The following SNX24 variants were observed in gnomAD, a reference collection of about 807,000 sequenced individuals.
The protein encoded by SNX24 is sorting nexin 24, also known as sorting nexin-24.
In SNX24, 22 loss-of-function variants were observed where a neutral mutation model predicts 28.7. The ratio of observed to expected loss-of-function variants is 0.77; its 90% confidence interval spans 0.55 to 1.10. The LOEUF (loss-of-function observed/expected upper bound fraction) is 1.10, where lower values mean the gene tolerates loss of function less well. SNX24 is among the 50% of genes least tolerant of loss of function. The probability of loss-of-function intolerance (pLI) is 0.00; values close to 1 mark genes in which losing one functional copy is unlikely to be tolerated. For missense variants in SNX24, 221 were observed against 201.1 expected, an observed-to-expected ratio of 1.10 and a Z score of -0.60; for synonymous variants, 69 against 71.5, an observed-to-expected ratio of 0.96 and a Z score of 0.18.
intron 1 of SNX24, among the ~76,000 whole-genome samples, chr5:122,900,888 A>C (rs986648904): frequency 1.3e-5 from 2 of 152,192 alleles, no homozygotes; most frequent in East Asian, 3.8e-4. Flanking sequence ...CAGAGGGAAA[A>C]ATGATTTATA....
chr5:122,953,686 A>G (rs1469477851), intron 3 of SNX24, among the ~76,000 whole-genome samples: 2 of 152,234 alleles, frequency 1.3e-5, no homozygotes, highest in African/African-American at 2.4e-5. Context: ...GGAGTTGTGC[A>G]TACGTTACTT....
chr5:122,915,281 A>G (rs1045243184), intron 1 of SNX24, among the ~76,000 whole-genome samples: 2 of 151,910 alleles, frequency 1.3e-5, no homozygotes, highest in Non-Finnish European at 2.9e-5. Context: ...TTCCTACTCC[A>G]TCTTCCCTAT....
chr5:122,971,486 C>T (rs868678409), intron 3 of SNX24, among the ~76,000 whole-genome samples: 2 of 152,176 alleles, frequency 1.3e-5, no homozygotes, highest in African/African-American at 4.8e-5. Context: ...AACCCATACA[C>T]ATCTCCTGAA....
chr5:123,016,439 T>C (rs1357953913), intron 5 of SNX24, among the ~76,000 whole-genome samples: 1 of 152,166 alleles, frequency 6.6e-6, no homozygotes, highest in East Asian at 1.9e-4. Context: ...GCCTGGAGGA[T>C]AATGAGGGGC....
At chr5:122,952,396 C>T (rs1421921803) in intron 3 of SNX24, among the ~76,000 whole-genome samples, 1 of 152,170 alleles carries the variant, frequency 6.6e-6, no homozygotes, top group East Asian at 1.9e-4. Context: ...AGAGCTAAGT[C>T]TTCTAATGTG....
chr5:122,955,511 C>G (rs1246967604), intron 3 of SNX24, among the ~76,000 whole-genome samples: 1 of 152,140 alleles, frequency 6.6e-6, no homozygotes. Flanking sequence ...TTTATACCTT[C>G]TATTTTAGCT....
Position 122,999,933 on chromosome 5 carries a change from G to A in SNX24, c.271G>A (p.Glu91Lys). Residue 91 changes from glutamate to lysine, a missense_variant, in exon 4 of 7, where the codon GAA (glutamate) becomes AAA (lysine). Physicochemically the swap from Glu to Lys is moderately conservative, Grantham distance 56. Transcript: ENST00000261369. Reference protein sequence around the residue: ...YLQAVILENEELPKLFLDFLN... With the variant: ...YLQAVILENEKLPKLFLDFLN... Reference sequence around the variant, plus strand: ...ACAGGCTGTCATTTTAGAAAATGAAGAACTTCCCAAACTGTTTCTTGATTT... The same window carrying A: ...ACAGGCTGTCATTTTAGAAAATGAAAAACTTCCCAAACTGTTTCTTGATTT... The A allele has an allele frequency of 1.9e-6, 3 of 1,612,392 alleles. No homozygotes were observed. Among genetic ancestry groups the A allele is most frequent in the Non-Finnish European group, 2.5e-6 (3 of 1,178,494 alleles).
chr5:122,856,356 C>G (rs1339828543), intron 1 of SNX24, among the ~76,000 whole-genome samples: 3 of 152,086 alleles, frequency 2.0e-5, no homozygotes, highest in African/African-American at 7.2e-5. Flanking sequence ...ACCGAGATTT[C>G]TTTATCCAGT....
At chr5:122,919,907 A>T (rs1282486488) in intron 1 of SNX24, among the ~76,000 whole-genome samples, 1 of 152,166 alleles carries the variant, frequency 6.6e-6, no homozygotes, top group Non-Finnish European at 1.5e-5. Context: ...AAAAGGGCCC[A>T]ATTTATTTGT....
chr5:122,965,544 T>C (rs2150142428), intron 3 of SNX24: 3 of 436,292 alleles, frequency 6.9e-6, no homozygotes, highest in East Asian at 1.4e-4. Context: ...TGATGCCTTT[T>C]ATAAGAGAAA....
chr5:122,877,631 G>C (rs551117153), intron 1 of SNX24, among the ~76,000 whole-genome samples: 1 of 152,304 alleles, frequency 6.6e-6, no homozygotes, highest in African/African-American at 2.4e-5. Context: ...CCACTCCCCA[G>C]CTTCAGGAGG....
downstream of SNX24, among the ~76,000 whole-genome samples, chr5:123,013,289 C>T (rs1432851430): frequency 6.6e-6 from 1 of 152,114 alleles, no homozygotes; most frequent in Non-Finnish European, 1.5e-5. Flanking sequence ...GAATTGTTGG[C>T]CATTTACTAG....
chr5:122,897,480 A>C (rs1757251713), intron 1 of SNX24, among the ~76,000 whole-genome samples: 1 of 152,224 alleles, frequency 6.6e-6, no homozygotes, highest in Admixed American at 6.5e-5. Flanking sequence ...AACATGTTAA[A>C]GGAAAGAATG....
At chr5:122,895,531 T>C (rs1757161039) in intron 1 of SNX24, among the ~76,000 whole-genome samples, 2 of 152,196 alleles carry the variant, frequency 1.3e-5, no homozygotes, top group African/African-American at 2.4e-5. Context: ...ACATCGGCAC[T>C]GTGTTCTTTT....
intron 1 of SNX24, among the ~76,000 whole-genome samples, chr5:122,902,171 T>G (rs1479024555): frequency 6.6e-6 from 1 of 152,204 alleles, no homozygotes; most frequent in Admixed American, 6.5e-5. Context: ...CACTCACTCT[T>G]CTCATAGGCT....
chr5:122,857,027 T>C (rs1561511362), intron 1 of SNX24, among the ~76,000 whole-genome samples: 2 of 152,092 alleles, frequency 1.3e-5, no homozygotes, highest in Non-Finnish European at 2.9e-5. Context: ...TCTTTTTTTT[T>C]TGAGACGGAG....
At chr5:122,859,227 C>T (rs1054728838) in intron 1 of SNX24, among the ~76,000 whole-genome samples, 4 of 152,134 alleles carry the variant, frequency 2.6e-5, no homozygotes, top group East Asian at 1.9e-4. Flanking sequence ...CCTTCAGTCT[C>T]GGGTACTCAG....
intron 3 of SNX24, among the ~76,000 whole-genome samples, chr5:122,962,388 T>C (rs1181756469): frequency 1.3e-5 from 2 of 152,264 alleles, no homozygotes; most frequent in African/African-American, 2.4e-5. Flanking sequence ...TGGTATATAC[T>C]TTAAATATGA....
chr5:122,949,149 G>T (rs1759825793), intron 3 of SNX24, among the ~76,000 whole-genome samples: 2 of 152,016 alleles, frequency 1.3e-5, no homozygotes. Flanking sequence ...ACCTGTTTTG[G>T]CATCTGTACT....
Sources: gnomAD v4.1 joint callset for allele counts (sites outside exome capture counted in the v4.1 genomes callset) on GRCh38, gnomAD v4.1.1 for gene constraint, MANE v1.5 for transcripts, NCBI Gene and HGNC (gene_info 2026-07-23, HGNC 2026-07-21) for gene names.